The following TPM4 variants were observed in gnomAD, a reference collection of about 807,000 sequenced individuals.
The protein encoded by TPM4 is tropomyosin alpha-4 chain.
Under a neutral mutation model 35.8 loss-of-function variants are expected in TPM4, and 17 were observed. That is an observed-to-expected ratio of 0.47 (90% CI 0.32 to 0.71). The LOEUF (loss-of-function observed/expected upper bound fraction) is 0.71. Ranked by LOEUF, TPM4 falls within the 30% of genes least tolerant of loss-of-function variation. The pLI, the probability that TPM4 is intolerant of heterozygous loss-of-function variation, is 0.03. For synonymous variants in TPM4, 120 were observed against 122.9 expected, an observed-to-expected ratio of 0.98 and a Z score of 0.15; for missense variants, 240 against 320.9, an observed-to-expected ratio of 0.75 and a Z score of 1.93.
intron 1 of TPM4, chr19:16,081,193 T>G: frequency 2.5e-6 from 1 of 396,962 alleles, no homozygotes; most frequent in Non-Finnish European, 4.4e-6. Flanking sequence ...ATGGCCTTGC[T>G]TTCTAAGAAT....
At chr19:16,069,484 TG>T (rs2090331890) in intron 2 of TPM4, among the ~76,000 whole-genome samples, 1 of 1,844 alleles carries the variant, frequency 5.4e-4, no homozygotes, top group Admixed American at 6.3e-3. Context: ...GATGAGTGTG[TG>T]TTTCTGATGG....
At chr19:16,078,802 G>T (rs2090444234) in intron 1 of TPM4, among the ~76,000 whole-genome samples, 1 of 141,180 alleles carries the variant, frequency 7.1e-6, no homozygotes, top group South Asian at 2.2e-4. Context: ...CTCTCCCAGG[G>T]CAAAAGGAAC....
chr19:16,092,841 A>T (rs1455605674), intron 5 of TPM4, among the ~76,000 whole-genome samples: 2 of 151,804 alleles, frequency 1.3e-5, no homozygotes, highest in African/African-American at 4.8e-5. Context: ...TGGCCTGCTT[A>T]CTTCTTTTTA....
intron 7 of TPM4, 181 bp from the exon 8 acceptor site, chr19:16,101,083 A>T: frequency 2.3e-6 from 1 of 441,634 alleles, no homozygotes; most frequent in Non-Finnish European, 4.2e-6. Flanking sequence ...AGGCAGGAGA[A>T]TTGCTTGAGC....
At chr19:16,072,967 C>T (rs1167436771), upstream of TPM4, among the ~76,000 whole-genome samples, 5 of 152,008 alleles carry the variant, frequency 3.3e-5, no homozygotes, top group Admixed American at 6.6e-5. Flanking sequence ...AGATAGCCCC[C>T]TGTCGGCCTT....
upstream of TPM4, among the ~76,000 whole-genome samples, chr19:16,071,803 C>T (rs562696144): frequency 6.6e-6 from 1 of 152,158 alleles, no homozygotes. Context: ...AGGCCCAGCC[C>T]GGCCGCTTCC....
At position 16,086,995 on chromosome 19, in the gene TPM4, C is replaced by T. The variant is rs538527610; in HGVS notation, c.384+455C>T. 3.7e-3 allele frequency among the ~76,000 whole-genome samples: 568 copies of T among 152,138 alleles called. 1 individual carries two copies. Among genetic ancestry groups the T allele is most frequent in the Non-Finnish European group, 4.7e-3 (318 of 67,980 alleles). On this transcript the variant is annotated intron_variant, in intron 3 of 7. Coordinates refer to ENST00000643579, the MANE Select transcript of TPM4 (RefSeq NM_003290.3). ...ATGGCTCTTTCAGTTGAAGCGCCAGCAAAAGGCCAGGCGCGGTGGCTCGTA... is the reference window on the plus strand; with the variant it reads ...ATGGCTCTTTCAGTTGAAGCGCCAGTAAAAGGCCAGGCGCGGTGGCTCGTA...
intron 1 of TPM4, chr19:16,079,906 T>C: frequency 5.7e-6 from 1 of 176,282 alleles, no homozygotes; most frequent in East Asian, 9.7e-5. Flanking sequence ...TTCACCATGT[T>C]GGCCAGGCTG....
At chr19:16,087,592 T>C (rs920037827) in intron 3 of TPM4, among the ~76,000 whole-genome samples, 1 of 145,962 alleles carries the variant, frequency 6.9e-6, no homozygotes, top group Non-Finnish European at 1.5e-5. Context: ...AATAAAAAAA[T>C]AAAAAAGAGG....
chr19:16,077,959 G>C (rs1465929466), intron 1 of TPM4: 3 of 375,160 alleles, frequency 8.0e-6, no homozygotes, highest in Non-Finnish European at 1.4e-5. Context: ...ATTTTTAGTA[G>C]AGACAGTGTC....
chr19:16,073,875 A>G (rs2090377119), upstream of TPM4, among the ~76,000 whole-genome samples: 1 of 142,340 alleles, frequency 7.0e-6, no homozygotes, highest in Non-Finnish European at 1.5e-5. Flanking sequence ...CGAGGAGGTC[A>G]AGGCTGCAGT....
intron 1 of TPM4, chr19:16,081,249 T>C (rs892836986): frequency 1.1e-4 from 44 of 390,910 alleles, no homozygotes; most frequent in Non-Finnish European, 1.9e-4. Flanking sequence ...ACTGTGTGCC[T>C]TTTTCAGAGA....
chr19:16,086,631 GCT>G, intron 3 of TPM4, 91 bp downstream of exon 3: 2 of 1,096,070 alleles, frequency 1.8e-6, no homozygotes, highest in South Asian at 2.9e-5. Flanking sequence ...ACGAAAGGAA[GCT>G]CTCGGTTAGG....
chr19:16,083,312 C>T (rs574105872), intron 2 of TPM4, among the ~76,000 whole-genome samples: 36 of 152,170 alleles, frequency 2.4e-4, no homozygotes, highest in African/African-American at 7.7e-4. Flanking sequence ...GGCGTGGTGG[C>T]GGGCACCTGT....
intron 1 of TPM4, chr19:16,077,536 C>T (rs2090426554): frequency 6.6e-6 from 1 of 152,214 alleles, no homozygotes; most frequent in Non-Finnish European, 1.5e-5. Flanking sequence ...GGCTGTCCCT[C>T]GGGACAGATG....
chr19:16,099,793 TTCTC>T (rs756307232), intron 7 of TPM4: 16 of 152,300 alleles, frequency 1.1e-4, no homozygotes, highest in African/African-American at 2.2e-4. Context: ...GGCGTCTTTT[TTCTC>T]TCTCTCTTTC....
chr19:16,090,562 A>C (rs1477635308), intron 5 of TPM4, among the ~76,000 whole-genome samples: 1 of 151,994 alleles, frequency 6.6e-6, no homozygotes, highest in Non-Finnish European at 1.5e-5. Context: ...CCTCCTGTTC[A>C]TCCTTTGAGC....
At chr19:16,097,126 GT>G (rs2090710619) in intron 7 of TPM4, among the ~76,000 whole-genome samples, 1 of 150,180 alleles carries the variant, frequency 6.7e-6, no homozygotes, top group Non-Finnish European at 1.5e-5. Flanking sequence ...GCTAATTTTT[GT>G]ACTTTCAGTA....
chr19:16,088,138 C>T (rs2090582160), intron 4 of TPM4, 41 bp downstream of exon 4: 1 of 1,588,848 alleles, frequency 6.3e-7, no homozygotes, highest in Middle Eastern at 1.7e-4. Flanking sequence ...GGCTCGATTC[C>T]TGGGGCGGAG....
Sources: allele counts gnomAD v4.1 joint callset (sites outside exome capture counted in the v4.1 genomes callset), GRCh38; gene constraint gnomAD v4.1.1; transcripts MANE v1.5; gene names NCBI Gene and HGNC (gene_info 2026-07-23, HGNC 2026-07-21).